DMGDH: variants seen among roughly 807,000 people sequenced by gnomAD.
DMGDH encodes the protein dimethylglycine dehydrogenase, mitochondrial.
Under a neutral mutation model 95.2 loss-of-function variants are expected in DMGDH, and 76 were observed. That is an observed-to-expected ratio of 0.80 (90% CI 0.66 to 0.97). The LOEUF is 0.97. Among genes scored for constraint, DMGDH ranks in the 50% least tolerant of loss-of-function variants. The pLI, the probability that DMGDH is intolerant of heterozygous loss-of-function variation, is 0.00. For synonymous variants in DMGDH, 345 were observed against 377.6 expected, an observed-to-expected ratio of 0.91 and a Z score of 1.00; for missense variants, 987 against 1,055.0, an observed-to-expected ratio of 0.94 and a Z score of 0.89.
At chr5:79,011,543 C>T (rs1753647083) in intron 14 of DMGDH, among the ~76,000 whole-genome samples, 3 of 152,146 alleles carry the variant, frequency 2.0e-5, no homozygotes, top group African/African-American at 7.2e-5. Context: ...TCTTGCATTG[C>T]TATAAAGAAA....
chr5:79,046,454 C>G (rs1204519400), intron 5 of DMGDH, among the ~76,000 whole-genome samples: 1 of 152,086 alleles, frequency 6.6e-6, no homozygotes, highest in African/African-American at 2.4e-5. Flanking sequence ...GTGGCGCAAT[C>G]ATAACTCACT....
intron 10 of DMGDH, 174 bp downstream of exon 10, chr5:79,030,659 A>G: frequency 1.4e-6 from 1 of 692,304 alleles, no homozygotes; most frequent in South Asian, 2.1e-5. Context: ...AAAAAAAAAA[A>G]AAAAAAAGAA....
intron 14 of DMGDH, among the ~76,000 whole-genome samples, chr5:79,020,415 A>G (rs1028228415): frequency 1.3e-5 from 2 of 152,092 alleles, no homozygotes; most frequent in Admixed American, 1.3e-4. Context: ...CTATATTAAC[A>G]ATTTCTTTCT....
rs113430963 is a variant in DMGDH at position 79,032,590 on chromosome 5, G to T, written c.1517+97C>A. 7.9e-4 allele frequency: 1,182 copies of T among 1,504,704 alleles called. 13 individuals carry two copies. The African/African-American group carries it at 0.014, about 18-fold the overall frequency. The allele number at this position is 1,504,704 out of a possible 1,614,324, so 93.2% of individuals were successfully genotyped here. On this transcript the variant is annotated intron_variant, in intron 9 of 15. Transcript: ENST00000255189. ...AAAGCTCAGTGCTCCTTGGAACAGG[G>T]TGGAGCAATGGAGTGTAAGGCAGAA...
At chr5:79,063,962 G>A (rs1161410777) in intron 1 of DMGDH, among the ~76,000 whole-genome samples, 175 bp from the exon 2 acceptor site, 5 of 152,128 alleles carry the variant, frequency 3.3e-5, no homozygotes, top group African/African-American at 1.2e-4. Flanking sequence ...AACCTGGTTG[G>A]GGGAGGGGTG....
rs1337676567 is a variant in DMGDH at position 79,044,512 on chromosome 5, T to C, written c.786A>G (p.Glu262=). Residue 262 remains glutamate, a synonymous_variant, in exon 6 of 16, where the codon GAA becomes GAG. Coordinates refer to ENST00000255189, the MANE Select transcript of DMGDH (RefSeq NM_013391.3). ...AREVGKMIGL[E]HPLIPVQHQY... ...GATGTTGAACCGGAATGAGAGGATGTTCTAGTCCAATCATTTTACCTACTT... is the reference window on the plus strand; with the variant it reads ...GATGTTGAACCGGAATGAGAGGATGCTCTAGTCCAATCATTTTACCTACTT... The C allele has an allele frequency of 6.2e-7, 1 of 1,613,964 alleles. No individual in the cohort carries two copies. Among genetic ancestry groups the C allele is most frequent in the Non-Finnish European group, 8.5e-7 (1 of 1,179,976 alleles).
At chr5:79,051,600 C>A in intron 4 of DMGDH, 109 bp from the exon 5 acceptor site, 1 of 1,066,652 alleles carries the variant, frequency 9.4e-7, no homozygotes, top group East Asian at 2.6e-5. Flanking sequence ...AAAAGTGTTT[C>A]TTGATCTGGA....
rs1017412173 is a variant in DMGDH, at chr5:79,056,864, C to A, written c.277-956G>T. Among the ~76,000 whole-genome samples the A allele has an allele frequency of 6.6e-5, 10 of 152,078 alleles. No individual in the cohort carries two copies. In the Middle Eastern group the frequency reaches 0.02, roughly 310 times the overall value. On this transcript the variant is annotated intron_variant, in intron 2 of 15. Transcript: ENST00000255189. The stretch of plus-strand genomic sequence containing the variant: ...AGTGAGACTCTGTCTCAAAAAAGAA[C>A]AGAAAAAAGTAATGGGGGAATGGCA...
chr5:78,998,653 C>T (rs1753400507), intron 15 of DMGDH, among the ~76,000 whole-genome samples: 2 of 152,078 alleles, frequency 1.3e-5, no homozygotes, highest in South Asian at 4.2e-4. Context: ...AGTTCAAGAA[C>T]AGCCTGGCCA....
intron 15 of DMGDH, among the ~76,000 whole-genome samples, chr5:78,999,290 G>C (rs1753412434): frequency 6.6e-6 from 1 of 152,078 alleles, no homozygotes; most frequent in Admixed American, 6.6e-5. Context: ...TTCTCTCTTT[G>C]AAACCCCAAA....
At chr5:79,050,884 A>G (rs1337838960) in intron 5 of DMGDH, among the ~76,000 whole-genome samples, 1 of 152,246 alleles carries the variant, frequency 6.6e-6, no homozygotes, top group Non-Finnish European at 1.5e-5. Context: ...TCAGAAATGG[A>G]TGAGAGAGAA....
intron 7 of DMGDH, among the ~76,000 whole-genome samples, chr5:79,037,222 T>C (rs1165116216): frequency 6.6e-6 from 1 of 152,198 alleles, no homozygotes; most frequent in Non-Finnish European, 1.5e-5. Context: ...CCAAGCAGAC[T>C]AAGCCACATG....
intron 2 of DMGDH, among the ~76,000 whole-genome samples, chr5:79,062,183 A>T (rs1755228570): frequency 6.7e-6 from 1 of 149,396 alleles, no homozygotes; most frequent in Non-Finnish European, 1.5e-5. Context: ...CCTCCCTAGC[A>T]CCTCCTTCTT....
chr5:79,015,637 C>T (rs1349868760), intron 14 of DMGDH, among the ~76,000 whole-genome samples: 2 of 152,142 alleles, frequency 1.3e-5, no homozygotes, highest in African/African-American at 4.8e-5. Flanking sequence ...TGTTGTATGG[C>T]CAGCACCTGT....
chr5:79,015,341 G>C (rs1286138005), intron 14 of DMGDH, among the ~76,000 whole-genome samples: 1 of 152,130 alleles, frequency 6.6e-6, no homozygotes, highest in African/African-American at 2.4e-5. Flanking sequence ...GGATTTATTT[G>C]ATAATTAGGA....
At chr5:79,038,518 A>G (rs2112638923) in intron 7 of DMGDH, among the ~76,000 whole-genome samples, 1 of 152,288 alleles carries the variant, frequency 6.6e-6, no homozygotes, top group East Asian at 1.9e-4. Flanking sequence ...TAGTCGCATA[A>G]GAATAGACAC....
At chr5:79,062,588 A>G (rs529245785) in intron 2 of DMGDH, among the ~76,000 whole-genome samples, 1 of 152,190 alleles carries the variant, frequency 6.6e-6, no homozygotes, top group East Asian at 1.9e-4. Flanking sequence ...TGGTTTGGCA[A>G]TATGACAGCA....
chr5:79,033,448 G>A, intron 7 of DMGDH, 40 bp from the exon 8 acceptor site: 1 of 1,609,380 alleles, frequency 6.2e-7, no homozygotes, highest in East Asian at 2.2e-5. Context: ...ACTAACACAT[G>A]TAGTTTTCAA....
chr5:79,006,101 C>T (rs1278361765), intron 14 of DMGDH, among the ~76,000 whole-genome samples: 1 of 150,282 alleles, frequency 6.7e-6, no homozygotes, highest in Non-Finnish European at 1.5e-5. Flanking sequence ...GATGACATTC[C>T]TATTCCTAAT....
Sources: gnomAD v4.1 joint callset for allele counts (sites outside exome capture counted in the v4.1 genomes callset) on GRCh38, gnomAD v4.1.1 for gene constraint, MANE v1.5 for transcripts, NCBI Gene and HGNC (gene_info 2026-07-23, HGNC 2026-07-21) for gene names.